The following RALY variants were observed in gnomAD, a reference collection of about 807,000 sequenced individuals.
RALY encodes the protein RALY heterogeneous nuclear ribonucleoprotein.
In RALY, 15 loss-of-function variants were observed where a neutral mutation model predicts 30.7. That is an observed-to-expected ratio of 0.49 (90% CI 0.33 to 0.75). The LOEUF (loss-of-function observed/expected upper bound fraction) is 0.75. Among genes scored for constraint, RALY ranks in the 30% least tolerant of loss-of-function variants. The pLI is 0.02. For synonymous variants in RALY, 177 were observed against 170.8 expected (o/e 1.04, Z -0.28); for missense variants, 339 against 414.3 (o/e 0.82, Z 1.58).
chr20:34,076,974 A>G (rs896113859), intron 7 of RALY, 54 bp from the exon 8 acceptor site: 3 of 1,609,222 alleles, frequency 1.9e-6, no homozygotes, highest in African/African-American at 1.3e-5. Flanking sequence ...GCTGCCCTAG[A>G]CAGCTACCCC....
intron 1 of RALY, among the ~76,000 whole-genome samples, chr20:34,005,265 A>C (rs1002776904): frequency 6.6e-6 from 1 of 152,142 alleles, no homozygotes; most frequent in Non-Finnish European, 1.5e-5. Flanking sequence ...TAATCCTGAC[A>C]CTTTGGGAGG....
At chr20:34,019,740 T>C (rs1388147555) in intron 1 of RALY, among the ~76,000 whole-genome samples, 1 of 152,104 alleles carries the variant, frequency 6.6e-6, no homozygotes, top group Admixed American at 6.5e-5. Context: ...ATACAAATTA[T>C]GTAAGACAGA....
intron 5 of RALY, 57 bp from the exon 6 acceptor site, chr20:34,075,817 A>C: frequency 1.3e-6 from 2 of 1,555,742 alleles, no homozygotes; most frequent in Non-Finnish European, 1.7e-6. Flanking sequence ...CGGAGCTGCA[A>C]TACCGCCCTG....
intron 1 of RALY, among the ~76,000 whole-genome samples, chr20:34,004,100 C>A (rs1301514439): frequency 2.0e-5 from 3 of 152,144 alleles, no homozygotes; most frequent in Admixed American, 6.5e-5. Flanking sequence ...ACTATGAATT[C>A]TCACATAGCA....
chr20:34,044,690 A>G (rs2032819428), intron 2 of RALY, among the ~76,000 whole-genome samples: 1 of 152,212 alleles, frequency 6.6e-6, no homozygotes, highest in Non-Finnish European at 1.5e-5. Flanking sequence ...AATTGAAGCC[A>G]GAAGGACAGA....
intron 2 of RALY, among the ~76,000 whole-genome samples, chr20:34,065,828 C>CA (rs1305395517): frequency 6.6e-6 from 1 of 152,166 alleles, no homozygotes; most frequent in Non-Finnish European, 1.5e-5. Flanking sequence ...AGAATAAGGC[C>CA]AGAGGGGTCC....
intron 9 of RALY, 75 bp downstream of exon 9, chr20:34,078,628 G>A (rs755660536): frequency 1.5e-6 from 2 of 1,376,836 alleles, no homozygotes; most frequent in Non-Finnish European, 1.9e-6. Flanking sequence ...CCCTGGATTG[G>A]GCAGGAAGTG....
chr20:34,046,807 T>G (rs2032895143), intron 2 of RALY, among the ~76,000 whole-genome samples: 3 of 141,674 alleles, frequency 2.1e-5, no homozygotes, highest in South Asian at 2.3e-4. Context: ...TCACTGGACC[T>G]CCACTCTTTT....
chr20:34,036,371 T>C (rs186919122), intron 2 of RALY, among the ~76,000 whole-genome samples: 3 of 152,372 alleles, frequency 2.0e-5, no homozygotes, highest in Admixed American at 6.5e-5. Flanking sequence ...TTATTCTACA[T>C]TGACATTACA....
chr20:34,002,032 G>T (rs531393916), intron 1 of RALY, among the ~76,000 whole-genome samples: 1 of 152,192 alleles, frequency 6.6e-6, no homozygotes, highest in Non-Finnish European at 1.5e-5. Context: ...CTCTCAAAGT[G>T]CTGGGATTAC....
intron 2 of RALY, among the ~76,000 whole-genome samples, chr20:34,053,347 C>T (rs913088626): frequency 6.8e-6 from 1 of 147,160 alleles, no homozygotes; most frequent in African/African-American, 2.5e-5. Context: ...TTCACAAGTG[C>T]CTAGTGCAAG....
intron 2 of RALY, among the ~76,000 whole-genome samples, chr20:34,041,917 C>T (rs2063967880): frequency 6.6e-6 from 1 of 152,004 alleles, no homozygotes; most frequent in African/African-American, 2.4e-5. Context: ...ACCAGCCTGG[C>T]CAACATGGTG....
chr20:34,031,422 C>T (rs907194039), intron 1 of RALY, 100 bp from the exon 2 acceptor site: 1 of 151,992 alleles, frequency 6.6e-6, no homozygotes, highest in African/African-American at 2.4e-5. Context: ...AATAATTGAC[C>T]TGTCTTTTGC....
chr20:34,022,266 C>T (rs1418971830), intron 1 of RALY, among the ~76,000 whole-genome samples: 15 of 151,840 alleles, frequency 9.9e-5, no homozygotes, highest in Non-Finnish European at 1.9e-4. Flanking sequence ...TACCTTATAC[C>T]TCACCCCTAG....
intron 2 of RALY, among the ~76,000 whole-genome samples, chr20:34,051,742 C>T (rs1343640350): frequency 6.6e-6 from 1 of 152,074 alleles, no homozygotes; most frequent in Non-Finnish European, 1.5e-5. Context: ...GCTACAGGCG[C>T]CTGCCACCAC....
Position 34,075,779 on chromosome 20 carries a change from C to T in RALY, c.378-95C>T, listed in dbSNP as rs916684421. 5.8e-6 allele frequency: 8 copies of T among 1,378,596 alleles called. No homozygotes were observed. The Admixed American group carries it at 6.7e-5, about 12-fold the overall frequency. 85.4% of individuals were successfully genotyped at this position (1,378,596 alleles called of 1,614,324 possible). A position where few individuals can be genotyped will look rare whatever the true frequency, so the allele number is the denominator to read the frequency against. On this transcript the variant is annotated intron_variant, in intron 5 of 9. Transcript: ENST00000246194. ...GAGGTGTGTAGTGCAGGCCTCCCAGCCCCTCACCAGCCACACACGTTTGTA... is the reference window on the plus strand; with the variant it reads ...GAGGTGTGTAGTGCAGGCCTCCCAGTCCCTCACCAGCCACACACGTTTGTA...
intron 2 of RALY, among the ~76,000 whole-genome samples, chr20:34,039,232 A>G: frequency 6.6e-6 from 1 of 152,394 alleles, no homozygotes; most frequent in East Asian, 1.9e-4. Context: ...GGCTGGGAGT[A>G]TGCTGCAGGG....
At chr20:34,074,063 A>G (rs560232876) in intron 5 of RALY, among the ~76,000 whole-genome samples, 197 bp downstream of exon 5, 2 of 152,320 alleles carry the variant, frequency 1.3e-5, no homozygotes, top group East Asian at 1.9e-4. Context: ...TCCTACCACC[A>G]TACAACACTG....
chr20:34,029,546 A>G (rs1483636343), intron 1 of RALY, among the ~76,000 whole-genome samples: 10 of 1,388 alleles, frequency 7.2e-3, no homozygotes, highest in Non-Finnish European at 8.2e-3. Context: ...GAGGGGGAGA[A>G]AAAAAAAACC....
Sources: allele counts gnomAD v4.1 joint callset (sites outside exome capture counted in the v4.1 genomes callset), GRCh38; gene constraint gnomAD v4.1.1; transcripts MANE v1.5; gene names NCBI Gene and HGNC (gene_info 2026-07-23, HGNC 2026-07-21).